GALNT13: variants seen among roughly 807,000 people sequenced by gnomAD.
GALNT13 encodes UDP-GalNAc:polypeptide N-acetylgalactosaminyltransferase 13.
GALNT13 carries 28 observed loss-of-function variants against 64.2 expected under a neutral mutation model. The ratio of observed to expected loss-of-function variants is 0.44; its 90% confidence interval spans 0.32 to 0.60. The LOEUF (loss-of-function observed/expected upper bound fraction) is 0.60. Ranked by LOEUF, GALNT13 falls within the 20% of genes least tolerant of loss-of-function variation. The probability of loss-of-function intolerance (pLI) is 0.05; values close to 1 mark genes in which losing one functional copy is unlikely to be tolerated. For missense variants in GALNT13, 577 were observed against 669.8 expected (o/e 0.86, Z 1.53); for synonymous variants, 214 against 224.6 (o/e 0.95, Z 0.42).
chr2:153,865,142 C>A, the GALNT13 span, among the ~76,000 whole-genome samples: 4 of 116,876 alleles, frequency 3.4e-5, no homozygotes, highest in Non-Finnish European at 5.3e-5. Flanking sequence ...TTCCTTACAC[C>A]TTATACAAAA....
chr2:153,299,980 T>G, the GALNT13 span, among the ~76,000 whole-genome samples: 1 of 152,234 alleles, frequency 6.6e-6, no homozygotes, highest in South Asian at 2.1e-4. Flanking sequence ...TTGCCACCGG[T>G]AGGTCTCAAA....
chr2:153,339,476 T>C, the GALNT13 span, among the ~76,000 whole-genome samples: 1 of 152,340 alleles, frequency 6.6e-6, no homozygotes, highest in South Asian at 2.1e-4. Context: ...TTTCTTACTA[T>C]TGAATTGCTT....
chr2:153,581,505 T>C, the GALNT13 span, among the ~76,000 whole-genome samples: 1 of 152,078 alleles, frequency 6.6e-6, no homozygotes, highest in African/African-American at 2.4e-5. Flanking sequence ...AAATTGGCAT[T>C]GGTTTATAGA....
the GALNT13 span, among the ~76,000 whole-genome samples, chr2:153,165,588 T>C: frequency 1.3e-5 from 2 of 152,216 alleles, no homozygotes; most frequent in African/African-American, 4.8e-5. Context: ...CAATGCCTTT[T>C]TGAGCTGCTT....
chr2:154,154,934 T>TTGTGTGTGTGTG (rs60456139), intron 4 of GALNT13, among the ~76,000 whole-genome samples: 1 of 149,304 alleles, frequency 6.7e-6, no homozygotes, highest in Non-Finnish European at 1.5e-5. Flanking sequence ...TTGTTTATGT[T>TTGTGTGTGTGTG]TGTGTGTGTG....
the GALNT13 span, among the ~76,000 whole-genome samples, chr2:153,133,838 T>G: frequency 2.0e-5 from 3 of 152,190 alleles, no homozygotes; most frequent in Non-Finnish European, 4.4e-5. Context: ...CCTGCAGCCT[T>G]GTAACTGGAA....
At chr2:153,126,214 G>C in the GALNT13 span, among the ~76,000 whole-genome samples, 1 of 149,988 alleles carries the variant, frequency 6.7e-6, no homozygotes, top group African/African-American at 2.5e-5. Flanking sequence ...TAAATGTTAG[G>C]AATCTATTTT....
At chr2:153,711,180 A>C in the GALNT13 span, among the ~76,000 whole-genome samples, 1 of 152,136 alleles carries the variant, frequency 6.6e-6, no homozygotes, top group Non-Finnish European at 1.5e-5. Context: ...TATCAAAATT[A>C]CTAAGCTCAG....
chr2:154,308,986 A>G (rs1000164688), intron 9 of GALNT13, among the ~76,000 whole-genome samples: 2 of 152,094 alleles, frequency 1.3e-5, no homozygotes, highest in African/African-American at 2.4e-5. Context: ...TATTTTTATA[A>G]TAAGGATACT....
At chr2:153,341,400 A>G in the GALNT13 span, among the ~76,000 whole-genome samples, 2 of 152,208 alleles carry the variant, frequency 1.3e-5, no homozygotes, top group Non-Finnish European at 2.9e-5. Flanking sequence ...TTCAAAAATA[A>G]TGGCTTTCTA....
intron 3 of GALNT13, among the ~76,000 whole-genome samples, chr2:154,067,059 T>C (rs1700506412): frequency 6.6e-6 from 1 of 152,078 alleles, no homozygotes; most frequent in South Asian, 2.1e-4. Flanking sequence ...TTTGTTAATG[T>C]AATAAGTGTC....
chr2:153,936,163 A>T (rs1342003523), intron 2 of GALNT13, among the ~76,000 whole-genome samples: 1 of 152,240 alleles, frequency 6.6e-6, no homozygotes, highest in Non-Finnish European at 1.5e-5. Context: ...GTGAAAGAAC[A>T]CAATAAAAAT....
intron 3 of GALNT13, among the ~76,000 whole-genome samples, chr2:154,061,713 C>A (rs72868483): frequency 0.072 from 10,855 of 150,156 alleles, 466 homozygotes; most frequent in Middle Eastern, 0.14. Context: ...TTAATGACCC[C>A]AAATGTTTCA....
chr2:153,719,765 C>A, the GALNT13 span, among the ~76,000 whole-genome samples: 3 of 151,682 alleles, frequency 2.0e-5, no homozygotes, highest in Non-Finnish European at 2.9e-5. Context: ...GCTTAAAAAA[C>A]GGCGCACCAC....
the GALNT13 span, among the ~76,000 whole-genome samples, chr2:153,098,788 A>T: frequency 6.6e-6 from 1 of 152,176 alleles, no homozygotes; most frequent in Non-Finnish European, 1.5e-5. Context: ...CCTGAGTCGA[A>T]TTCCTAAGCC....
chr2:153,790,817 T>C, the GALNT13 span, among the ~76,000 whole-genome samples: 1 of 151,978 alleles, frequency 6.6e-6, no homozygotes, highest in African/African-American at 2.4e-5. Flanking sequence ...AAAATAAATA[T>C]GAGTGCCAAA....
At chr2:153,586,968 A>G in the GALNT13 span, among the ~76,000 whole-genome samples, 310 of 152,282 alleles carry the variant, frequency 2.0e-3, 3 homozygotes, top group Admixed American at 4.2e-3. Context: ...ACAGTGGCTC[A>G]AGCCTGTAAT....
the GALNT13 span, among the ~76,000 whole-genome samples, chr2:153,507,543 T>G: frequency 1.3e-5 from 2 of 152,140 alleles, no homozygotes; most frequent in African/African-American, 4.8e-5. Context: ...CCTCCCAAAG[T>G]GCTGGGATTA....
chr2:154,051,417 A>G (rs945720594), intron 3 of GALNT13, among the ~76,000 whole-genome samples: 1 of 150,394 alleles, frequency 6.6e-6, no homozygotes, highest in African/African-American at 2.5e-5. Flanking sequence ...CAGCCTCCCG[A>G]GTAGCTGGGA....
Sources: gnomAD v4.1 joint callset for allele counts (sites outside exome capture counted in the v4.1 genomes callset) on GRCh38, gnomAD v4.1.1 for gene constraint, MANE v1.5 for transcripts, NCBI Gene and HGNC (gene_info 2026-07-23, HGNC 2026-07-21) for gene names.